Variants in PAK1 observed in about 807,000 individuals in gnomAD.
The protein encoded by PAK1 is p21 (RAC1) activated kinase 1.
Under a neutral mutation model 67.4 loss-of-function variants are expected in PAK1, and 29 were observed. That is an observed-to-expected ratio of 0.43 (90% confidence interval 0.32 to 0.59). PAK1 has a LOEUF of 0.59. Ranked by LOEUF, PAK1 falls within the 20% of genes least tolerant of loss-of-function variation. The probability of loss-of-function intolerance (pLI) is 0.07; values close to 1 mark genes in which losing one functional copy is unlikely to be tolerated. For missense variants in PAK1, 337 were observed against 670.7 expected, an observed-to-expected ratio of 0.50 and a Z score of 5.50; for synonymous variants, 223 against 237.4, an observed-to-expected ratio of 0.94 and a Z score of 0.56.
At chr11:77,330,493 T>C (rs1941220421) in intron 14 of PAK1, among the ~76,000 whole-genome samples, 1 of 152,146 alleles carries the variant, frequency 6.6e-6, no homozygotes, top group Non-Finnish European at 1.5e-5. Flanking sequence ...TATCTACAAC[T>C]ATCTGATCTT....
chr11:77,353,497 A>T, intron 8 of PAK1, 39 bp downstream of exon 8: 1 of 1,445,994 alleles, frequency 6.9e-7, no homozygotes, highest in Non-Finnish European at 9.7e-7. Context: ...CACACACTTT[A>T]AAGTCATTTC....
intron 12 of PAK1, 133 bp downstream of exon 12, chr11:77,337,191 A>G (rs1942842169): frequency 1.4e-5 from 7 of 509,330 alleles, no homozygotes; most frequent in Admixed American, 3.7e-5. Context: ...AAAATATAAA[A>G]CAGCCCTCAT....
intron 1 of PAK1, among the ~76,000 whole-genome samples, chr11:77,408,906 G>C (rs1954068207): frequency 6.6e-6 from 1 of 152,028 alleles, no homozygotes; most frequent in East Asian, 1.9e-4. Flanking sequence ...ACTAACATCA[G>C]AGAAATACAA....
At chr11:77,406,232 A>G (rs1276892030) in intron 1 of PAK1, among the ~76,000 whole-genome samples, 1 of 152,164 alleles carries the variant, frequency 6.6e-6, no homozygotes, top group Admixed American at 6.5e-5. Flanking sequence ...TCTAGACCAA[A>G]CAGCTTTCTT....
At chr11:77,442,077 C>T (rs750409963) in intron 1 of PAK1, among the ~76,000 whole-genome samples, 12 of 152,170 alleles carry the variant, frequency 7.9e-5, no homozygotes, top group Non-Finnish European at 1.5e-4. Context: ...TATGGGAATT[C>T]TCCTCATATC....
the PAK1 span, among the ~76,000 whole-genome samples, chr11:77,493,275 G>GTT: frequency 0.55 from 69,766 of 127,764 alleles, 19,750 homozygotes; most frequent in African/African-American, 0.62. Context: ...TTTTTTTGTT[G>GTT]TTTTTTTTTT....
At chr11:77,389,603 T>A (rs529812015) in intron 2 of PAK1, among the ~76,000 whole-genome samples, 1 of 152,258 alleles carries the variant, frequency 6.6e-6, no homozygotes, top group Non-Finnish European at 1.5e-5. Context: ...ATTTCCCTGA[T>A]GGCTAATGAT....
intron 5 of PAK1, among the ~76,000 whole-genome samples, chr11:77,362,717 T>C (rs1015047524): frequency 3.9e-5 from 6 of 152,244 alleles, no homozygotes; most frequent in African/African-American, 1.4e-4. Context: ...TTAGCTATGA[T>C]AATGATGTTG....
chr11:77,380,449 C>T (rs575668640), intron 2 of PAK1, among the ~76,000 whole-genome samples: 3 of 152,088 alleles, frequency 2.0e-5, no homozygotes, highest in Admixed American at 6.6e-5. Flanking sequence ...GCTGAGATCA[C>T]GCCACTGCAT....
At chr11:77,385,500 A>C (rs1950330736) in intron 2 of PAK1, among the ~76,000 whole-genome samples, 1 of 152,246 alleles carries the variant, frequency 6.6e-6, no homozygotes, top group African/African-American at 2.4e-5. Context: ...AGCACAGAAG[A>C]TATTTGTAAC....
chr11:77,332,609 G>A (rs1425367505), intron 14 of PAK1, 121 bp downstream of exon 14: 2 of 755,394 alleles, frequency 2.6e-6, no homozygotes, highest in Non-Finnish European at 2.2e-6. Flanking sequence ...CAGAGTGAGT[G>A]TAGGAAGTGG....
chr11:77,412,040 C>G (rs905298131), intron 1 of PAK1: 1 of 152,262 alleles, frequency 6.6e-6, no homozygotes, highest in Admixed American at 6.5e-5. Flanking sequence ...GAGGAAGCCG[C>G]GCGCTTCTCC....
Position 77,323,037 on chromosome 11 carries a change from T to A in PAK1, c.*237A>T. ...CCCTTAATCATAAACCACCCTCATA[T>A]CCATGAATTGGGAGGAAATTCCTTA... On this transcript the variant is annotated 3_prime_UTR_variant, in exon 15 of 15. Coordinates refer to ENST00000356341, the MANE Select transcript of PAK1 (RefSeq NM_002576.5). The A allele has an allele frequency of 1.3e-6, 1 of 744,814 alleles. No homozygotes were observed. Among genetic ancestry groups the A allele is most frequent in the South Asian group, 1.5e-5 (1 of 67,160 alleles). The allele number at this position is 744,814 out of a possible 1,614,324, so 46.1% of individuals were successfully genotyped here. A position where few individuals can be genotyped will look rare whatever the true frequency, so the allele number is the denominator to read the frequency against.
At chr11:77,394,549 T>G (rs1317032171) in intron 1 of PAK1, among the ~76,000 whole-genome samples, 1 of 152,100 alleles carries the variant, frequency 6.6e-6, no homozygotes, top group Non-Finnish European at 1.5e-5. Flanking sequence ...CTCTTCTACT[T>G]TTAAAACCCT....
At chr11:77,524,108 T>A in the PAK1 span, among the ~76,000 whole-genome samples, 1 of 152,218 alleles carries the variant, frequency 6.6e-6, no homozygotes, top group African/African-American at 2.4e-5. Context: ...AATAAACGCA[T>A]ATTATTTATG....
intron 1 of PAK1, among the ~76,000 whole-genome samples, chr11:77,396,509 C>T (rs185603966): frequency 8.3e-4 from 126 of 152,316 alleles, no homozygotes; most frequent in Admixed American, 2.7e-3. Context: ...TGCAACACCA[C>T]GCCTGGCACA....
At chr11:77,507,609 ACCT>A in the PAK1 span, among the ~76,000 whole-genome samples, 1 of 151,898 alleles carries the variant, frequency 6.6e-6, no homozygotes, top group Non-Finnish European at 1.5e-5. Context: ...TGCTAACTCG[ACCT>A]CCAGACTCAA....
upstream of PAK1, among the ~76,000 whole-genome samples, chr11:77,478,962 A>G (rs1225264893): frequency 4.5e-5 from 6 of 133,910 alleles, no homozygotes; most frequent in East Asian, 7.3e-4. Context: ...GCAGGCGCCT[A>G]TAGTCCCAGC....
rs544879928 is a variant in PAK1, at chr11:77,464,479, A to G, written c.-22+9073T>C. Among the ~76,000 whole-genome samples the G allele has an allele frequency of 2.0e-5, 3 of 152,364 alleles. No individual in the cohort carries two copies. The South Asian group carries it at 6.2e-4, about 32-fold the overall frequency. On this transcript the variant is annotated intron_variant, in intron 1 of 14. Transcript: ENST00000356341. The stretch of plus-strand genomic sequence containing the variant: ...CTGGAATGTAATCTTTGTAAGAGCA[A>G]GGACAAGGACCATGTCTGTATTATT...
Sources: gnomAD v4.1 joint callset for allele counts (sites outside exome capture counted in the v4.1 genomes callset) on GRCh38, gnomAD v4.1.1 for gene constraint, MANE v1.5 for transcripts, NCBI Gene and HGNC (gene_info 2026-07-23, HGNC 2026-07-21) for gene names.